The following SEMA3E variants were observed in gnomAD, a reference collection of about 807,000 sequenced individuals.
The protein encoded by SEMA3E is semaphorin 3E.
SEMA3E carries 49 observed loss-of-function variants against 93.6 expected under a neutral mutation model. The ratio of observed to expected loss-of-function variants is 0.52; its 90% confidence interval spans 0.42 to 0.66. The LOEUF is 0.66. Among genes scored for constraint, SEMA3E ranks in the 30% least tolerant of loss-of-function variants. The probability of loss-of-function intolerance (pLI) is 0.00; values close to 1 mark genes in which losing one functional copy is unlikely to be tolerated. For synonymous variants in SEMA3E, 363 were observed against 330.7 expected (o/e 1.10, Z -1.06); for missense variants, 906 against 964.8 (o/e 0.94, Z 0.81).
chr7:83,401,114 G>A (rs1397269898), intron 10 of SEMA3E, among the ~76,000 whole-genome samples: 1 of 152,024 alleles, frequency 6.6e-6, no homozygotes, highest in African/African-American at 2.4e-5. Flanking sequence ...AAAATAAACT[G>A]GGAAAACAAG....
At chr7:83,503,702 C>T (rs1453550135) in intron 1 of SEMA3E, among the ~76,000 whole-genome samples, 3 of 152,132 alleles carry the variant, frequency 2.0e-5, no homozygotes, top group African/African-American at 7.2e-5. Flanking sequence ...AAACTATAAG[C>T]AATTGTAATT....
rs1794657620 is a variant in SEMA3E, at chr7:83,365,777, A to G, written c.*1809T>C. On this transcript the variant is annotated 3_prime_UTR_variant, in exon 17 of 17. Coordinates refer to ENST00000643230, the MANE Select transcript of SEMA3E (RefSeq NM_012431.3). ...GTGTTAATGGAAGGCAATTTTCAAT[A>G]AAGTGTACTTAATTGACTTATTTGT... 6.6e-6 allele frequency: 1 copy of G among 152,192 alleles called. No homozygotes were observed. Among genetic ancestry groups the G allele is most frequent in the Non-Finnish European group, 1.5e-5 (1 of 68,020 alleles). The allele number at this position is 152,192 out of a possible 1,614,324, so 9.4% of individuals were successfully genotyped here.
chr7:83,638,286 T>A (rs1055156888), intron 1 of SEMA3E, among the ~76,000 whole-genome samples: 25 of 152,180 alleles, frequency 1.6e-4, no homozygotes, highest in Non-Finnish European at 1.0e-4. Flanking sequence ...CAGTTCTTTA[T>A]AGCAACATCA....
At chr7:83,388,469 G>T (rs889673600) in intron 14 of SEMA3E, among the ~76,000 whole-genome samples, 3 of 151,350 alleles carry the variant, frequency 2.0e-5, no homozygotes, top group Non-Finnish European at 4.4e-5. Context: ...AAGAACTCTG[G>T]CATACTTAAT....
At chr7:83,448,469 G>C (rs906665315) in intron 4 of SEMA3E, among the ~76,000 whole-genome samples, 1 of 152,056 alleles carries the variant, frequency 6.6e-6, no homozygotes, top group Non-Finnish European at 1.5e-5. Context: ...CTATGATTTT[G>C]CCACTATATT....
Position 83,418,332 on chromosome 7 carries a change from AAT to A in SEMA3E, c.550+56_550+57del, listed in dbSNP as rs3839768. 8 of 1,192,362 alleles carry A rather than the reference AAT, an allele frequency of 6.7e-6. No homozygotes were observed. In the Admixed American group the frequency reaches 7.4e-5, roughly 11 times the overall value. The allele number at this position is 1,192,362 out of a possible 1,614,324, so 73.9% of individuals were successfully genotyped here. ...GCTGAAAGAATGTAACTGAAGTTGA[AAT>A]ATATGTTTTAAAATCCTTATGACTA... On this transcript the variant is annotated intron_variant, in intron 5 of 16. Coordinates refer to ENST00000643230, the MANE Select transcript of SEMA3E (RefSeq NM_012431.3).
intron 14 of SEMA3E, 62 bp from the exon 15 acceptor site, chr7:83,387,112 G>T: frequency 1.5e-6 from 2 of 1,362,558 alleles, no homozygotes; most frequent in Non-Finnish European, 2.1e-6. Flanking sequence ...TTAAAATGCA[G>T]CCAATTGCAT....
At chr7:83,489,557 A>T (rs1215618925) in intron 2 of SEMA3E, among the ~76,000 whole-genome samples, 1 of 152,092 alleles carries the variant, frequency 6.6e-6, no homozygotes, top group African/African-American at 2.4e-5. Flanking sequence ...GTCTAAGAAA[A>T]TTTGGCTCAA....
intron 1 of SEMA3E, among the ~76,000 whole-genome samples, chr7:83,556,090 T>A (rs556795846): frequency 1.3e-5 from 2 of 152,296 alleles, no homozygotes; most frequent in East Asian, 3.9e-4. Context: ...CATTTATATG[T>A]TTACATTATA....
rs1020501195 is a variant in SEMA3E at position 83,474,045 on chromosome 7, T to A, written c.277-4743A>T. ...AGATGAAGCTTGCAGTGAGCCAGGA[T>A]CCTGCCACTACACTCCAGCCTGGGC... On this transcript the variant is annotated intron_variant, in intron 2 of 16. Transcript: ENST00000643230. 4.2e-5 allele frequency among the ~76,000 whole-genome samples: 6 copies of A among 143,342 alleles called. No homozygotes were observed. The South Asian group carries it at 1.3e-3, about 31-fold the overall frequency. 94.0% of individuals were successfully genotyped at this position (143,342 alleles called of 152,430 possible). A position where few individuals can be genotyped will look rare whatever the true frequency, so the allele number is the denominator to read the frequency against.
rs1280626597 is a variant in SEMA3E, at chr7:83,396,627, G to T, written c.1458+11C>A. ...TGCATAAATTTGGTCTGTATTTTTTGCTTTAAATACCTTGAATATCTGAAG... is the reference window on the plus strand; with the variant it reads ...TGCATAAATTTGGTCTGTATTTTTTTCTTTAAATACCTTGAATATCTGAAG... On this transcript the variant is annotated intron_variant, in intron 12 of 16. Transcript: ENST00000643230. 4.6e-6 allele frequency: 7 copies of T among 1,535,124 alleles called. No homozygotes were observed. The highest frequency in any genetic ancestry group is 5.4e-6 in the Non-Finnish European group (6 of 1,111,144).
intron 4 of SEMA3E, among the ~76,000 whole-genome samples, chr7:83,428,382 T>C (rs370838980): frequency 2.0e-5 from 3 of 152,246 alleles, no homozygotes; most frequent in African/African-American, 7.2e-5. Context: ...TAGCTATTTC[T>C]AGTGATTAGG....
Position 83,648,605 on chromosome 7 carries a change from G to T in SEMA3E, c.-63C>A. ...TTAAGGAGGGTCTGAGTTTTACTTA[G>T]GACTTCCCTCCAGGGGCAGCGTGCG... is the stretch of plus-strand genomic sequence containing the variant. On this transcript the variant is annotated 5_prime_UTR_variant, in exon 1 of 17. Coordinates refer to ENST00000643230, the MANE Select transcript of SEMA3E (RefSeq NM_012431.3). 1 of 1,244,230 alleles carries T rather than the reference G, an allele frequency of 8.0e-7. No homozygotes were observed. 77.1% of individuals were successfully genotyped at this position (1,244,230 alleles called of 1,614,324 possible). A position where few individuals can be genotyped will look rare whatever the true frequency, so the allele number is the denominator to read the frequency against.
intron 2 of SEMA3E, among the ~76,000 whole-genome samples, chr7:83,484,483 C>G (rs1236869867): frequency 6.6e-6 from 1 of 152,106 alleles, no homozygotes; most frequent in Non-Finnish European, 1.5e-5. Context: ...TTTCAATGAC[C>G]TCGTCCTTCA....
chr7:83,541,777 C>T (rs141431745), intron 1 of SEMA3E, among the ~76,000 whole-genome samples: 2,310 of 152,134 alleles, frequency 0.015, 30 homozygotes, highest in Non-Finnish European at 0.021. Context: ...AGTTCTTGAG[C>T]GTCAGACCTC....
intron 1 of SEMA3E, among the ~76,000 whole-genome samples, chr7:83,577,663 T>G (rs760438572): frequency 3.1e-4 from 47 of 152,148 alleles, no homozygotes; most frequent in Admixed American, 2.9e-3. Context: ...GTTGGCAAAT[T>G]CTCCATTCAT....
intron 1 of SEMA3E, among the ~76,000 whole-genome samples, chr7:83,500,780 G>A (rs888839024): frequency 6.6e-6 from 1 of 151,586 alleles, no homozygotes; most frequent in African/African-American, 2.4e-5. Flanking sequence ...TGGTAGAGAT[G>A]GGGTTTCACC....
At chr7:83,463,954 G>A (rs1222544601) in intron 4 of SEMA3E, among the ~76,000 whole-genome samples, 4 of 152,096 alleles carry the variant, frequency 2.6e-5, no homozygotes, top group Admixed American at 6.6e-5. Flanking sequence ...TACTTTCACT[G>A]GATAGGTAGA....
In SEMA3E at chr7:83,648,613, C is replaced by T; in HGVS notation, c.-71G>A. ...GGTCTGAGTTTTACTTAGGACTTCC[C>T]TCCAGGGGCAGCGTGCGAGAGGCTT... On this transcript the variant is annotated 5_prime_UTR_variant, in exon 1 of 17. Transcript: ENST00000643230. 1 of 1,125,808 alleles carries T rather than the reference C, an allele frequency of 8.9e-7. No homozygotes were observed. The highest frequency in any genetic ancestry group is 1.3e-6 in the Non-Finnish European group (1 of 748,964). 69.7% of individuals were successfully genotyped at this position (1,125,808 alleles called of 1,614,324 possible). A position where few individuals can be genotyped will look rare whatever the true frequency, so the allele number is the denominator to read the frequency against.
Sources: gnomAD v4.1 joint callset for allele counts (sites outside exome capture counted in the v4.1 genomes callset) on GRCh38, gnomAD v4.1.1 for gene constraint, MANE v1.5 for transcripts, NCBI Gene and HGNC (gene_info 2026-07-23, HGNC 2026-07-21) for gene names.